Variants in MARCHF1 observed in about 807,000 individuals in gnomAD.
The protein encoded by MARCHF1 is membrane associated ring-CH-type finger 1.
In MARCHF1, 40 loss-of-function variants were observed where a neutral mutation model predicts 54.2. That is an observed-to-expected ratio of 0.74 (90% CI 0.57 to 0.96). MARCHF1 has a LOEUF of 0.96. Ranked by LOEUF, MARCHF1 falls within the 40% of genes least tolerant of loss-of-function variation. The pLI, the probability that MARCHF1 is intolerant of heterozygous loss-of-function variation, is 0.00. For missense variants in MARCHF1, 586 were observed against 656.5 expected (o/e 0.89, Z 1.17); for synonymous variants, 236 against 236.3 (o/e 1.00, Z 0.01).
At chr4:164,107,962 T>A (rs904331638) in intron 2 of MARCHF1, among the ~76,000 whole-genome samples, 15 of 150,380 alleles carry the variant, frequency 1.0e-4, no homozygotes, top group Non-Finnish European at 1.5e-4. Context: ...ATCCTCTTTC[T>A]TAAGTTTTAT....
At chr4:164,080,990 T>C (rs540939029) in intron 2 of MARCHF1, among the ~76,000 whole-genome samples, 11 of 150,270 alleles carry the variant, frequency 7.3e-5, no homozygotes, top group Non-Finnish European at 1.6e-4. Context: ...GGGTGGATCA[T>C]GAGGTCAGGA....
intron 1 of MARCHF1, among the ~76,000 whole-genome samples, chr4:164,243,511 A>T (rs1486321709): frequency 1.3e-5 from 2 of 152,208 alleles, no homozygotes; most frequent in Non-Finnish European, 2.9e-5. Context: ...TCATGCCAAA[A>T]TGTAAAGACC....
rs1224580031 is a variant in MARCHF1 at position 164,274,695 on chromosome 4, T to A, written c.-323+109175A>T. 1.7e-4 allele frequency among the ~76,000 whole-genome samples: 19 copies of A among 113,044 alleles called. 1 individual carries two copies. The highest frequency in any genetic ancestry group is 4.8e-4 in the Admixed American group (4 of 8,340). The allele number at this position is 113,044 out of a possible 152,430, so 74.2% of individuals were successfully genotyped here. A position where few individuals can be genotyped will look rare whatever the true frequency, so the allele number is the denominator to read the frequency against. ...TTTTTTTTTTTTTTTTTTTTTTTTT[T>A]AGACGGAGTCTCGCTCTGTCTCCCA... is the stretch of plus-strand genomic sequence containing the variant. On this transcript the variant is annotated intron_variant, in intron 1 of 9. Coordinates refer to ENST00000514618, the MANE Select transcript of MARCHF1 (RefSeq NM_001394959.1).
At chr4:163,613,470 T>C (rs1741417743) in intron 5 of MARCHF1, 77 bp from the exon 6 acceptor site, 8 of 1,612,350 alleles carry the variant, frequency 5.0e-6, no homozygotes, top group Non-Finnish European at 6.8e-6. Flanking sequence ...TTTCCACATA[T>C]TTAAAAAATT....
chr4:163,773,875 C>A (rs933821415), intron 4 of MARCHF1, among the ~76,000 whole-genome samples: 2 of 152,086 alleles, frequency 1.3e-5, no homozygotes, highest in Admixed American at 6.6e-5. Flanking sequence ...AACATTTTTA[C>A]AATAAAAATA....
intron 3 of MARCHF1, among the ~76,000 whole-genome samples, chr4:163,923,169 CA>C (rs34329944): frequency 0.19 from 28,672 of 152,104 alleles, 3,048 homozygotes; most frequent in South Asian, 0.34. Flanking sequence ...CTTGGGAATA[CA>C]TTTTGAAAGA....
At chr4:164,078,535 TA>T (rs1313073640) in intron 2 of MARCHF1, among the ~76,000 whole-genome samples, 1 of 110,798 alleles carries the variant, frequency 9.0e-6, no homozygotes, top group South Asian at 3.0e-4. Context: ...AATAAATAAA[TA>T]ATTTTTTTTT....
At chr4:164,143,839 C>A (rs776812963) in intron 1 of MARCHF1, among the ~76,000 whole-genome samples, 67 of 152,200 alleles carry the variant, frequency 4.4e-4, no homozygotes, top group African/African-American at 1.5e-3. Context: ...CTTTAAATGT[C>A]AATGGACTAA....
chr4:164,074,253 T>A (rs939019248), intron 2 of MARCHF1, among the ~76,000 whole-genome samples: 2 of 152,206 alleles, frequency 1.3e-5, no homozygotes, highest in Non-Finnish European at 2.9e-5. Context: ...CCACCACCTT[T>A]AAGAGTCTGA....
intron 1 of MARCHF1, among the ~76,000 whole-genome samples, chr4:164,239,597 G>A (rs1180583200): frequency 6.6e-6 from 1 of 152,034 alleles, no homozygotes; most frequent in Non-Finnish European, 1.5e-5. Flanking sequence ...TACAGTATGA[G>A]TAATTCAAAC....
chr4:164,341,819 TA>T (rs1336326677), intron 1 of MARCHF1, among the ~76,000 whole-genome samples: 10 of 152,208 alleles, frequency 6.6e-5, no homozygotes, highest in Admixed American at 2.6e-4. Context: ...ACATTCAGAC[TA>T]TAGCACCTGT....
chr4:163,564,047 A>G (rs1055433056), intron 8 of MARCHF1, among the ~76,000 whole-genome samples: 6 of 152,176 alleles, frequency 3.9e-5, no homozygotes, highest in Admixed American at 6.5e-5. Context: ...ACCTAACTAC[A>G]TACGGGACCT....
At chr4:164,030,414 T>C (rs1753853765) in intron 2 of MARCHF1, among the ~76,000 whole-genome samples, 1 of 152,210 alleles carries the variant, frequency 6.6e-6, no homozygotes, top group Non-Finnish European at 1.5e-5. Context: ...TCAGGACAGA[T>C]GAAATGCTAC....
At chr4:163,903,860 C>T (rs981793843) in intron 3 of MARCHF1, among the ~76,000 whole-genome samples, 6 of 152,164 alleles carry the variant, frequency 3.9e-5, no homozygotes, top group Non-Finnish European at 7.3e-5. Context: ...AAGTGAGCTG[C>T]CTGCCTTGGC....
intron 3 of MARCHF1, among the ~76,000 whole-genome samples, chr4:163,957,501 T>A (rs1752254328): frequency 6.6e-6 from 1 of 152,004 alleles, no homozygotes; most frequent in South Asian, 2.1e-4. Flanking sequence ...AAAAAGTTTT[T>A]TAAAAATGTG....
At chr4:164,197,644 G>T (rs2288674) in intron 1 of MARCHF1, 4 of 1,612,596 alleles carry the variant, frequency 2.5e-6, no homozygotes, top group African/African-American at 1.3e-5. Context: ...GTTGTCCAGG[G>T]CAAGTTCTTT....
intron 7 of MARCHF1, among the ~76,000 whole-genome samples, chr4:163,611,011 G>C (rs1741321867): frequency 6.6e-6 from 1 of 151,954 alleles, no homozygotes; most frequent in South Asian, 2.1e-4. Flanking sequence ...TACTTAGAGA[G>C]TTTTTGTCTC....
intron 1 of MARCHF1, among the ~76,000 whole-genome samples, chr4:164,200,907 G>T (rs1310482528): frequency 3.9e-5 from 6 of 152,126 alleles, no homozygotes; most frequent in Non-Finnish European, 5.9e-5. Flanking sequence ...ATCTGGAGTG[G>T]AGAGCATTCC....
intron 4 of MARCHF1, among the ~76,000 whole-genome samples, chr4:163,853,416 C>T (rs1749691381): frequency 6.6e-6 from 1 of 152,044 alleles, no homozygotes; most frequent in African/African-American, 2.4e-5. Context: ...TTTAAAATTC[C>T]TTTTGCTAAT....
Sources: gnomAD v4.1 joint callset for allele counts (sites outside exome capture counted in the v4.1 genomes callset) on GRCh38, gnomAD v4.1.1 for gene constraint, MANE v1.5 for transcripts, NCBI Gene and HGNC (gene_info 2026-07-23, HGNC 2026-07-21) for gene names.